SPAG16: variants seen among roughly 807,000 people sequenced by gnomAD.
SPAG16 encodes the protein sperm-associated antigen 16 protein.
SPAG16 carries 86 observed loss-of-function variants against 80.4 expected under a neutral mutation model. That is an observed-to-expected ratio of 1.07 (90% confidence interval 0.90 to 1.28). The LOEUF is 1.28. Ranked by LOEUF, SPAG16 falls within the 50% of genes most tolerant of loss-of-function variation. The probability of loss-of-function intolerance (pLI) is 0.00; values close to 1 mark genes in which losing one functional copy is unlikely to be tolerated. For missense variants in SPAG16, 870 were observed against 765.3 expected, an observed-to-expected ratio of 1.14 and a Z score of -1.61; for synonymous variants, 294 against 265.9, an observed-to-expected ratio of 1.11 and a Z score of -1.03.
intron 12 of SPAG16, among the ~76,000 whole-genome samples, chr2:213,999,905 GGCT>G (rs2046708423): frequency 6.6e-6 from 1 of 152,128 alleles, no homozygotes; most frequent in Non-Finnish European, 1.5e-5. Flanking sequence ...CATTTGGAAG[GGCT>G]GTATTTACCC....
chr2:214,395,855 A>G (rs1341162296), intron 15 of SPAG16, among the ~76,000 whole-genome samples: 2 of 152,190 alleles, frequency 1.3e-5, no homozygotes, highest in African/African-American at 4.8e-5. Flanking sequence ...CTGCAAAGAC[A>G]TAATCTCATT....
intron 10 of SPAG16, among the ~76,000 whole-genome samples, chr2:213,679,920 GGA>G (rs2064292229): frequency 6.6e-6 from 1 of 152,102 alleles, no homozygotes; most frequent in African/African-American, 2.4e-5. Context: ...ATTTGGTGAG[GGA>G]GGGATTCTTG....
intron 12 of SPAG16, among the ~76,000 whole-genome samples, chr2:213,985,116 T>C (rs907062469): frequency 6.6e-6 from 1 of 152,088 alleles, no homozygotes; most frequent in Non-Finnish European, 1.5e-5. Flanking sequence ...TACTCTGTCT[T>C]ACTGCTTAGA....
chr2:214,346,150 A>G (rs775083375), intron 15 of SPAG16, among the ~76,000 whole-genome samples: 5 of 152,236 alleles, frequency 3.3e-5, no homozygotes, highest in African/African-American at 7.2e-5. Flanking sequence ...AACATAGTGT[A>G]TGAGAATATA....
chr2:213,806,851 A>G (rs2071798140), intron 10 of SPAG16, among the ~76,000 whole-genome samples: 1 of 152,218 alleles, frequency 6.6e-6, no homozygotes. Flanking sequence ...TAATTTGTCT[A>G]GTCTCTAGAC....
chr2:213,672,263 CCT>C (rs1388120349), intron 10 of SPAG16, among the ~76,000 whole-genome samples: 2 of 151,278 alleles, frequency 1.3e-5, no homozygotes, highest in Non-Finnish European at 2.9e-5. Context: ...CTCTTCTTTT[CCT>C]CACTCAGTCC....
intron 10 of SPAG16, among the ~76,000 whole-genome samples, chr2:213,647,414 T>G (rs1159588189): frequency 6.6e-6 from 1 of 152,354 alleles, no homozygotes; most frequent in East Asian, 1.9e-4. Flanking sequence ...ACCTTTCTTT[T>G]GAGCTTCATT....
At chr2:213,412,410 G>GAA (rs2125400797) in intron 9 of SPAG16, among the ~76,000 whole-genome samples, 1 of 152,064 alleles carries the variant, frequency 6.6e-6, no homozygotes, top group East Asian at 1.9e-4. Context: ...TTTCTATATA[G>GAA]AAGTAACTTG....
chr2:213,618,996 A>C (rs1219023439), intron 10 of SPAG16, among the ~76,000 whole-genome samples: 1 of 152,228 alleles, frequency 6.6e-6, no homozygotes, highest in African/African-American at 2.4e-5. Flanking sequence ...TTTTAAAACA[A>C]GTTTTATTTT....
chr2:213,285,547 C>G (rs2062024111), intron 1 of SPAG16, among the ~76,000 whole-genome samples: 1 of 152,198 alleles, frequency 6.6e-6, no homozygotes, highest in African/African-American at 2.4e-5. Flanking sequence ...CTGTAATCCT[C>G]TCCAGGTTTA....
At chr2:213,844,356 A>G (rs1269229074) in intron 10 of SPAG16, among the ~76,000 whole-genome samples, 1 of 152,204 alleles carries the variant, frequency 6.6e-6, no homozygotes, top group African/African-American at 2.4e-5. Context: ...CATAATTGGT[A>G]AAAAGGGACT....
chr2:213,550,503 T>A (rs2125941950), intron 10 of SPAG16, among the ~76,000 whole-genome samples: 1 of 152,246 alleles, frequency 6.6e-6, no homozygotes, highest in African/African-American at 2.4e-5. Flanking sequence ...TTATTTACAA[T>A]ATTCTTTTAG....
At chr2:213,542,591 A>G (rs954986890) in intron 10 of SPAG16, among the ~76,000 whole-genome samples, 4 of 152,180 alleles carry the variant, frequency 2.6e-5, no homozygotes, top group Non-Finnish European at 4.4e-5. Context: ...TTAATGCAGA[A>G]AAATAAAAAC....
At chr2:213,953,541 C>T (rs574842182) in intron 12 of SPAG16, among the ~76,000 whole-genome samples, 18 of 151,220 alleles carry the variant, frequency 1.2e-4, no homozygotes, top group East Asian at 5.8e-4. Flanking sequence ...GACACATACA[C>T]GTGACACATA....
intron 12 of SPAG16, among the ~76,000 whole-genome samples, chr2:213,960,394 TG>T (rs1226548065): frequency 6.6e-6 from 1 of 152,142 alleles, no homozygotes; most frequent in African/African-American, 2.4e-5. Context: ...TCTGTTTGTT[TG>T]TTTTTTTTTC....
intron 9 of SPAG16, among the ~76,000 whole-genome samples, chr2:213,446,504 G>A (rs779104161): frequency 2.0e-5 from 3 of 152,094 alleles, no homozygotes; most frequent in East Asian, 3.9e-4. Context: ...GCTCTAATAC[G>A]GCTCCTTTGA....
intron 15 of SPAG16, among the ~76,000 whole-genome samples, chr2:214,301,028 T>TATAATAATAATAATA (rs71037363): frequency 7.0e-6 from 1 of 141,856 alleles, no homozygotes; most frequent in Non-Finnish European, 1.5e-5. Flanking sequence ...AAACTTAAAG[T>TATAATAATAATAATA]ATAATAATAA....
chr2:214,245,512 T>C (rs1689779576), intron 15 of SPAG16, among the ~76,000 whole-genome samples: 1 of 152,180 alleles, frequency 6.6e-6, no homozygotes, highest in African/African-American at 2.4e-5. Context: ...AAAGAATTAA[T>C]AATATATTGG....
chr2:213,745,681 C>T (rs1445408328), intron 10 of SPAG16, among the ~76,000 whole-genome samples: 2 of 152,158 alleles, frequency 1.3e-5, no homozygotes, highest in Admixed American at 1.3e-4. Flanking sequence ...GTACATGTTT[C>T]ACTTCCTTAT....
Sources: gnomAD v4.1 joint callset for allele counts (sites outside exome capture counted in the v4.1 genomes callset) on GRCh38, gnomAD v4.1.1 for gene constraint, MANE v1.5 for transcripts, NCBI Gene and HGNC (gene_info 2026-07-23, HGNC 2026-07-21) for gene names.